Variants in CCSER1 observed in about 807,000 individuals in gnomAD.
CCSER1 encodes the protein coiled-coil serine rich protein 1, also known as serine-rich coiled-coil domain-containing protein 1.
A neutral mutation model predicts 82.0 loss-of-function variants in CCSER1; 41 were observed. The ratio of observed to expected loss-of-function variants is 0.50; its 90% CI spans 0.39 to 0.65. The LOEUF is 0.65. Among genes scored for constraint, CCSER1 ranks in the 30% least tolerant of loss-of-function variants. CCSER1 has a pLI of 0.00. For synonymous variants in CCSER1, 414 were observed against 383.9 expected (o/e 1.08, Z -0.92); for missense variants, 1,119 against 1,064.2 (o/e 1.05, Z -0.72).
intron 6 of CCSER1, among the ~76,000 whole-genome samples, chr4:90,686,625 G>A (rs1302349875): frequency 1.3e-5 from 2 of 152,016 alleles, no homozygotes; most frequent in Admixed American, 1.3e-4. Context: ...TTTAGCCTAA[G>A]CATAACTCTT....
intron 9 of CCSER1, among the ~76,000 whole-genome samples, chr4:90,939,282 C>T (rs943470456): frequency 6.6e-6 from 1 of 152,078 alleles, no homozygotes; most frequent in Non-Finnish European, 1.5e-5. Context: ...ACTCTAACTA[C>T]AGAAAATATA....
At chr4:90,140,383 T>G (rs1357066104) in intron 1 of CCSER1, among the ~76,000 whole-genome samples, 2 of 152,246 alleles carry the variant, frequency 1.3e-5, no homozygotes, top group African/African-American at 4.8e-5. Context: ...AAGTGATGAT[T>G]GTCTTTGATT....
intron 8 of CCSER1, among the ~76,000 whole-genome samples, chr4:90,828,440 C>G (rs141535664): frequency 1.3e-3 from 192 of 152,222 alleles, no homozygotes; most frequent in Non-Finnish European, 2.2e-3. Flanking sequence ...AGCACTAAAT[C>G]CAAACAGCAT....
chr4:90,531,869 A>C (rs1283922197), intron 5 of CCSER1, among the ~76,000 whole-genome samples: 1 of 152,184 alleles, frequency 6.6e-6, no homozygotes, highest in Non-Finnish European at 1.5e-5. Flanking sequence ...AAGAAATGTC[A>C]GCATGACTTG....
intron 5 of CCSER1, among the ~76,000 whole-genome samples, chr4:90,489,467 T>C (rs1403361624): frequency 6.6e-6 from 1 of 152,166 alleles, no homozygotes; most frequent in African/African-American, 2.4e-5. Flanking sequence ...TTTGCTAATC[T>C]TGGGCAAAGA....
chr4:91,409,113 A>T (rs1470360729), intron 10 of CCSER1, among the ~76,000 whole-genome samples: 1 of 152,206 alleles, frequency 6.6e-6, no homozygotes, highest in Admixed American at 6.6e-5. Flanking sequence ...AGGCAAAGAC[A>T]TTGGCAAAAA....
chr4:90,489,706 G>A (rs932330599), intron 5 of CCSER1, among the ~76,000 whole-genome samples: 2 of 152,116 alleles, frequency 1.3e-5, no homozygotes, highest in African/African-American at 4.8e-5. Flanking sequence ...AGTGTGTGAT[G>A]TTCCCCTTCC....
chr4:91,353,760 G>A (rs1748639700), intron 10 of CCSER1, among the ~76,000 whole-genome samples: 1 of 152,070 alleles, frequency 6.6e-6, no homozygotes, highest in Admixed American at 6.5e-5. Context: ...TTATCATTTG[G>A]AGAAATACAG....
intron 4 of CCSER1, among the ~76,000 whole-genome samples, chr4:90,413,821 C>T (rs1378662950): frequency 6.7e-6 from 1 of 148,238 alleles, no homozygotes; most frequent in African/African-American, 2.5e-5. Context: ...TAGTGGCGGG[C>T]GCCTGTAGTT....
At chr4:90,523,001 C>T (rs761830497) in intron 5 of CCSER1, among the ~76,000 whole-genome samples, 16 of 151,912 alleles carry the variant, frequency 1.1e-4, no homozygotes, top group Non-Finnish European at 1.9e-4. Context: ...TCATTTACCC[C>T]CCTCTTTACC....
rs113940054 is a variant in CCSER1, at chr4:90,250,825, G to A, written c.-41-57419G>A. On this transcript the variant is annotated intron_variant, in intron 1 of 10. Transcript: ENST00000509176. ...TGATTTGTCATCTTTGTAATAACAC[G>A]TGTTCTAATCAATGACCATCAAATG... Among the ~76,000 whole-genome samples, 1,479 of 152,030 alleles carry A rather than the reference G, an allele frequency of 9.7e-3. 10 individuals are homozygous for A. The highest frequency in any genetic ancestry group is 0.015 in the Non-Finnish European group (1,042 of 67,880).
chr4:91,580,154 T>G (rs1017838488), intron 10 of CCSER1, among the ~76,000 whole-genome samples: 1 of 151,906 alleles, frequency 6.6e-6, no homozygotes, highest in African/African-American at 2.4e-5. Context: ...ATATTCTTTA[T>G]AATGCAGCAT....
intron 5 of CCSER1, among the ~76,000 whole-genome samples, chr4:90,488,443 C>A (rs1309556514): frequency 6.6e-6 from 1 of 152,066 alleles, no homozygotes; most frequent in Non-Finnish European, 1.5e-5. Context: ...CCCACTCGGC[C>A]TCCCAAAGTG....
intron 10 of CCSER1, among the ~76,000 whole-genome samples, chr4:91,115,359 C>A (rs527502071): frequency 9.1e-4 from 139 of 152,068 alleles, no homozygotes; most frequent in Non-Finnish European, 1.8e-3. Flanking sequence ...TGGAGTCTTG[C>A]TCTGTTGCCC....
chr4:91,449,651 T>C (rs1211945094), intron 10 of CCSER1, among the ~76,000 whole-genome samples: 1 of 152,092 alleles, frequency 6.6e-6, no homozygotes, highest in African/African-American at 2.4e-5. Context: ...AAGATTATGA[T>C]ACTGTGAAAT....
chr4:90,948,486 T>A (rs1284330108), intron 9 of CCSER1, among the ~76,000 whole-genome samples: 3 of 151,808 alleles, frequency 2.0e-5, no homozygotes, highest in Non-Finnish European at 4.4e-5. Context: ...ACACATAGGA[T>A]GAAAACAAAG....
chr4:90,312,998 G>A lies in CCSER1; in HGVS notation c.1460G>A (p.Ser487Asn). 1.9e-6 allele frequency: 3 copies of A among 1,605,016 alleles called. No homozygotes were observed. The highest frequency in any genetic ancestry group is 2.6e-6 in the Non-Finnish European group (3 of 1,175,278). ...PKDGNIEEVNSLRKQRAGSSS... is the reference protein window; with the variant it reads ...PKDGNIEEVNNLRKQRAGSSS... ...GATGGAAATATAGAAGAAGTTAATA[G>A]TTTAAGAAAGCAAAGAGCAGGTTCT... The change falls in exon 3 of 11, where the codon AGT becomes AAT. Residue 487 changes from serine (S) to asparagine (N), a missense_variant. Transcript: ENST00000509176.
At chr4:91,109,546 A>C (rs1725919531) in intron 10 of CCSER1, among the ~76,000 whole-genome samples, 2 of 152,320 alleles carry the variant, frequency 1.3e-5, no homozygotes, top group Non-Finnish European at 2.9e-5. Flanking sequence ...AAAGCAAATT[A>C]TCTTCCAATT....
At chr4:91,502,512 C>G (rs1759261737) in intron 10 of CCSER1, among the ~76,000 whole-genome samples, 1 of 152,136 alleles carries the variant, frequency 6.6e-6, no homozygotes, top group Admixed American at 6.6e-5. Flanking sequence ...GGTATTTTAA[C>G]TCATTTAATC....
Sources: gnomAD v4.1 joint callset for allele counts (sites outside exome capture counted in the v4.1 genomes callset) on GRCh38, gnomAD v4.1.1 for gene constraint, MANE v1.5 for transcripts, NCBI Gene and HGNC (gene_info 2026-07-23, HGNC 2026-07-21) for gene names.